RSRC1: variants seen among roughly 807,000 people sequenced by gnomAD.
The protein encoded by RSRC1 is serine/Arginine-related protein 53.
In RSRC1, 39 loss-of-function variants were observed where a neutral mutation model predicts 49.1. The observed-to-expected ratio is 0.79, with a 90% confidence interval of 0.61 to 1.04. The LOEUF (loss-of-function observed/expected upper bound fraction) is 1.04, where lower values mean the gene tolerates loss of function less well. Ranked by LOEUF, RSRC1 falls within the 50% of genes least tolerant of loss-of-function variation. RSRC1 has a pLI of 0.00. For synonymous variants in RSRC1, 143 were observed against 130.8 expected, an observed-to-expected ratio of 1.09 and a Z score of -0.63; for missense variants, 388 against 402.4, an observed-to-expected ratio of 0.96 and a Z score of 0.31.
At chr3:158,468,947 CG>C (rs1738007364) in intron 7 of RSRC1, among the ~76,000 whole-genome samples, 1 of 151,994 alleles carries the variant, frequency 6.6e-6, no homozygotes, top group Non-Finnish European at 1.5e-5. Flanking sequence ...AATATATAGA[CG>C]AAGAATATAG....
At chr3:158,198,955 A>C (rs918613382) in intron 3 of RSRC1, among the ~76,000 whole-genome samples, 1 of 152,204 alleles carries the variant, frequency 6.6e-6, no homozygotes, top group African/African-American at 2.4e-5. Flanking sequence ...AAAGACTTAC[A>C]TATATCCTGA....
In RSRC1 at chr3:158,254,652, T is replaced by G. The variant is rs541527461; in HGVS notation, c.495-43387T>G. Among the ~76,000 whole-genome samples the G allele has an allele frequency of 6.6e-5, 10 of 152,246 alleles. No homozygotes were observed. The South Asian group carries it at 2.1e-3, about 32-fold the overall frequency. On this transcript the variant is annotated intron_variant, in intron 4 of 9. Coordinates refer to ENST00000611884, the MANE Select transcript of RSRC1 (RefSeq NM_001271838.2). ...TTTCACCATGTTACCCAGGGTGTTC[T>G]TGATCTTCTGATCTCATGATCCACC...
intron 5 of RSRC1, among the ~76,000 whole-genome samples, chr3:158,312,637 TAATC>T (rs1559988072): frequency 6.6e-6 from 1 of 152,182 alleles, no homozygotes; most frequent in East Asian, 1.9e-4. Context: ...ATTAAAAGAA[TAATC>T]AGTAAGAAAT....
intron 3 of RSRC1, among the ~76,000 whole-genome samples, chr3:158,132,820 T>G (rs1347410957): frequency 6.6e-6 from 1 of 152,234 alleles, no homozygotes. Context: ...ATTCATTTAT[T>G]TGTAATCCTT....
At chr3:158,484,074 G>A (rs190233245) in intron 7 of RSRC1, among the ~76,000 whole-genome samples, 7 of 152,156 alleles carry the variant, frequency 4.6e-5, no homozygotes, top group Admixed American at 4.6e-4. Context: ...TTTCATCATG[G>A]CAAATTTAAA....
At chr3:158,302,667 C>CTTTTTTTTTTTTTTTTTT (rs58057548) in intron 5 of RSRC1, 2 of 98,094 alleles carry the variant, frequency 2.0e-5, no homozygotes, top group African/African-American at 4.3e-5. Flanking sequence ...TTTTTTCTTC[C>CTTTTTTTTTTTTTTTTTT]TTTTTTTTTT....
intron 7 of RSRC1, among the ~76,000 whole-genome samples, chr3:158,493,412 AG>A (rs936107584): frequency 6.6e-6 from 1 of 152,200 alleles, no homozygotes; most frequent in African/African-American, 2.4e-5. Flanking sequence ...TTTAGGAAGC[AG>A]GAAAATAGGA....
At chr3:158,164,751 C>T (rs1274307792) in intron 3 of RSRC1, among the ~76,000 whole-genome samples, 1 of 151,978 alleles carries the variant, frequency 6.6e-6, no homozygotes, top group Admixed American at 6.6e-5. Flanking sequence ...AATTTAAATG[C>T]ATTTGTTTTA....
rs143161569 is a variant in RSRC1 at position 158,113,676 on chromosome 3, C to T, written c.-3+3453C>T. On this transcript the variant is annotated intron_variant, in intron 1 of 9. Transcript: ENST00000611884. ...GCCACTGTGCCAGGCCATTTCTTGA[C>T]TTCTTAATAATTGCATTCTGACTGG... 1.4e-3 allele frequency among the ~76,000 whole-genome samples: 209 copies of T among 152,166 alleles called. 1 individual carries two copies. Among genetic ancestry groups the T allele is most frequent in the African/African-American group, 4.9e-3 (202 of 41,534 alleles).
At chr3:158,432,646 A>G (rs1367698214) in intron 6 of RSRC1, among the ~76,000 whole-genome samples, 1 of 151,934 alleles carries the variant, frequency 6.6e-6, no homozygotes, top group East Asian at 1.9e-4. Context: ...AAGAACTGAG[A>G]CTTTTTATGA....
At chr3:158,173,601 T>A (rs1405551627) in intron 3 of RSRC1, among the ~76,000 whole-genome samples, 1 of 151,984 alleles carries the variant, frequency 6.6e-6, no homozygotes, top group African/African-American at 2.4e-5. Context: ...AATTCCACTC[T>A]TAGCCATCTA....
intron 7 of RSRC1, among the ~76,000 whole-genome samples, chr3:158,479,573 C>T (rs893017614): frequency 6.6e-6 from 1 of 151,952 alleles, no homozygotes; most frequent in Non-Finnish European, 1.5e-5. Context: ...TACTAAAAAC[C>T]ATTTAACCAA....
intron 3 of RSRC1, among the ~76,000 whole-genome samples, chr3:158,193,073 C>G (rs898002103): frequency 2.6e-5 from 4 of 152,034 alleles, no homozygotes; most frequent in African/African-American, 9.7e-5. Context: ...TTCCTTCTCC[C>G]AAATAACTTG....
intron 6 of RSRC1, among the ~76,000 whole-genome samples, chr3:158,402,772 G>A (rs1416280335): frequency 6.6e-6 from 1 of 151,696 alleles, no homozygotes; most frequent in Non-Finnish European, 1.5e-5. Flanking sequence ...TCTATCAAAG[G>A]TACATGCTGT....
chr3:158,136,436 A>G (rs983207844), intron 3 of RSRC1, among the ~76,000 whole-genome samples: 1 of 152,010 alleles, frequency 6.6e-6, no homozygotes, highest in African/African-American at 2.4e-5. Context: ...TTGCTCCCCT[A>G]CAGAGCTCTA....
intron 6 of RSRC1, among the ~76,000 whole-genome samples, chr3:158,424,508 A>G (rs1735286668): frequency 6.7e-6 from 1 of 150,216 alleles, no homozygotes; most frequent in Non-Finnish European, 1.5e-5. Context: ...TTTTTGCATC[A>G]ATGTTCATCA....
chr3:158,227,847 G>A (rs939995366), intron 4 of RSRC1, among the ~76,000 whole-genome samples: 1 of 152,000 alleles, frequency 6.6e-6, no homozygotes, highest in Non-Finnish European at 1.5e-5. Flanking sequence ...TAGATGAATA[G>A]GCATGTCTGT....
rs139277935 is a variant in RSRC1, at chr3:158,322,642, C to A, written c.531+24567C>A. Among the ~76,000 whole-genome samples the A allele has an allele frequency of 1.4e-4, 22 of 152,212 alleles. No homozygotes were observed. In the East Asian group the frequency reaches 4.1e-3, roughly 28 times the overall value. On this transcript the variant is annotated intron_variant, in intron 5 of 9. Coordinates refer to ENST00000611884, the MANE Select transcript of RSRC1 (RefSeq NM_001271838.2). ...GTTATTTGTAAATTAAACTTTTTTG[C>A]CAGATTTGATATTTTTGGCCATTAC...
chr3:158,243,134 C>T (rs1163186433), intron 4 of RSRC1, among the ~76,000 whole-genome samples: 2 of 152,096 alleles, frequency 1.3e-5, no homozygotes, highest in African/African-American at 2.4e-5. Flanking sequence ...ATGCCTATGT[C>T]CTGAATGGTA....
Sources: allele counts gnomAD v4.1 joint callset (sites outside exome capture counted in the v4.1 genomes callset), GRCh38; gene constraint gnomAD v4.1.1; transcripts MANE v1.5; gene names NCBI Gene and HGNC (gene_info 2026-07-23, HGNC 2026-07-21).